The following SLC16A2 variants were observed in gnomAD, a reference collection of about 807,000 sequenced individuals.
SLC16A2 encodes solute carrier family 16 member 2.
In SLC16A2, 3 loss-of-function variants were observed where a neutral mutation model predicts 27.2. That is an observed-to-expected ratio of 0.11 (90% CI 0.05 to 0.28). The LOEUF (loss-of-function observed/expected upper bound fraction) is 0.28, where lower values mean the gene tolerates loss of function less well. SLC16A2 is among the 10% of genes least tolerant of loss of function. The pLI, the probability that SLC16A2 is intolerant of heterozygous loss-of-function variation, is 1.00. For synonymous variants in SLC16A2, 202 were observed against 187.8 expected (o/e 1.08, Z -0.62); for missense variants, 295 against 458.5 (o/e 0.64, Z 3.26).
chrX:74,427,839 A>ACC (rs1394014446), intron 1 of SLC16A2, among the ~76,000 whole-genome samples: 2 of 104,808 alleles, frequency 1.9e-5, no homozygotes, highest in African/African-American at 3.5e-5. Flanking sequence ...ACACACACAC[A>ACC]CACCCATACC....
At chrX:74,492,745 C>A (rs767481592) in intron 1 of SLC16A2, among the ~76,000 whole-genome samples, 2 of 111,495 alleles carry the variant, frequency 1.8e-5, no homozygotes, top group African/African-American at 3.3e-5. Flanking sequence ...CTCTCCACCC[C>A]CAACGTCCAG....
At chrX:74,454,321 C>G (rs1281889065) in intron 1 of SLC16A2, among the ~76,000 whole-genome samples, 1 of 110,422 alleles carries the variant, frequency 9.1e-6, no homozygotes, top group Non-Finnish European at 1.9e-5. Context: ...AGACTTGGAA[C>G]CAACCCAAAT....
At chrX:74,436,034 G>A (rs914009874) in intron 1 of SLC16A2, among the ~76,000 whole-genome samples, 4 of 111,552 alleles carry the variant, frequency 3.6e-5, no homozygotes, top group Admixed American at 2.9e-4. Flanking sequence ...GTGATGGAGA[G>A]TGGTGAGGTT....
chrX:74,432,779 G>A (rs1478978627), intron 1 of SLC16A2, among the ~76,000 whole-genome samples: 1 of 111,764 alleles, frequency 8.9e-6, no homozygotes, highest in Non-Finnish European at 1.9e-5. Context: ...TGTCGCATTA[G>A]GTGTTCCCCA....
At position 74,421,496 on chromosome X, in the gene SLC16A2, C is replaced by A; in HGVS notation, c.-142C>A. 1 of 802,202 alleles carries A rather than the reference C, an allele frequency of 1.2e-6. No homozygotes were observed. Among genetic ancestry groups the A allele is most frequent in the Non-Finnish European group, 1.9e-6 (1 of 540,408 alleles). 66.1% of individuals were successfully genotyped at this position (802,202 alleles called of 1,213,427 possible). ...ACCGTCTGTCGCGGGACGGGCTGGC[C>A]AGCTGGGGCGCGGAGCCTGGAGGAG... On this transcript the variant is annotated 5_prime_UTR_variant, in exon 1 of 6. Coordinates refer to ENST00000587091, the MANE Select transcript of SLC16A2 (RefSeq NM_006517.5).
At chrX:74,434,666 G>A (rs1168828991) in intron 1 of SLC16A2, among the ~76,000 whole-genome samples, 1 of 110,948 alleles carries the variant, frequency 9.0e-6, no homozygotes, top group Admixed American at 9.6e-5. Context: ...AGAGGTCCAA[G>A]GAAAAGAAGA....
At chrX:74,484,463 C>T (rs780655113) in intron 1 of SLC16A2, among the ~76,000 whole-genome samples, 52 of 111,696 alleles carry the variant, frequency 4.7e-4, no homozygotes, top group Non-Finnish European at 2.4e-4. Flanking sequence ...TTTTATTGTG[C>T]GGAGGAAGCT....
chrX:74,443,821 C>A (rs921996830), intron 1 of SLC16A2, among the ~76,000 whole-genome samples: 3 of 111,715 alleles, frequency 2.7e-5, no homozygotes, highest in Non-Finnish European at 3.8e-5. Flanking sequence ...TTGTCCACAG[C>A]CTTCCTGGGT....
rs372573580 is a variant in SLC16A2, at chrX:74,524,324, G to A, written c.576-35G>A. On this transcript the variant is annotated intron_variant, in intron 2 of 5. Transcript: ENST00000587091. The stretch of plus-strand genomic sequence containing the variant: ...GGAGGGCAGGTAGATTGCTGGTCAG[G>A]CTGCTGAGGACAGCTCTTGGTATTT... 1,552 of 1,195,342 alleles carry A rather than the reference G, an allele frequency of 1.3e-3. 1 individual carries two copies. Among genetic ancestry groups the A allele is most frequent in the Non-Finnish European group, 1.6e-3 (1,438 of 882,410 alleles).
chrX:74,497,848 G>C (rs1364039126), intron 1 of SLC16A2, among the ~76,000 whole-genome samples: 1 of 106,521 alleles, frequency 9.4e-6, no homozygotes, highest in African/African-American at 3.4e-5. Flanking sequence ...GTATGGGGGT[G>C]GGGGGGATGA....
intron 1 of SLC16A2, among the ~76,000 whole-genome samples, chrX:74,493,660 TAAC>T (rs1343964000): frequency 1.8e-5 from 2 of 112,327 alleles, no homozygotes; most frequent in African/African-American, 6.5e-5. Flanking sequence ...ATTGTTGAAA[TAAC>T]AAGAGTTTAG....
Position 74,442,800 on chromosome X carries a change from C to CA in SLC16A2, c.430+20740dup, listed in dbSNP as rs766527953. 4.8e-3 allele frequency among the ~76,000 whole-genome samples: 533 copies of CA among 111,231 alleles called. 2 individuals are homozygous for CA. Among genetic ancestry groups the CA allele is most frequent in the African/African-American group, 0.016 (501 of 30,637 alleles). On this transcript the variant is annotated intron_variant, in intron 1 of 5. Transcript: ENST00000587091. ...TGAAAGCCCATCTCTACTAAAAATA[C>CA]AAAAAAATTAGCCAGGCCTGGTGGC...
At chrX:74,520,557 A>G (rs1467821340) in intron 1 of SLC16A2, among the ~76,000 whole-genome samples, 1 of 111,925 alleles carries the variant, frequency 8.9e-6, no homozygotes, top group African/African-American at 3.2e-5. Context: ...TAGGTGGCCT[A>G]TGAACTTGCC....
At chrX:74,493,942 C>T (rs773096312) in intron 1 of SLC16A2, among the ~76,000 whole-genome samples, 1 of 111,747 alleles carries the variant, frequency 8.9e-6, no homozygotes, top group Non-Finnish European at 1.9e-5. Context: ...CAGCTGTGAG[C>T]TTCTTTCTTG....
In SLC16A2 at chrX:74,532,873, A is replaced by T. The variant is rs1320172873; in HGVS notation, c.*1320A>T. 4.5e-5 allele frequency: 5 copies of T among 112,141 alleles called. No homozygotes were observed. The highest frequency in any genetic ancestry group is 9.4e-5 in the Non-Finnish European group (5 of 53,135). The allele number at this position is 112,141 out of a possible 1,213,427, so 9.2% of individuals were successfully genotyped here. A position where few individuals can be genotyped will look rare whatever the true frequency, so the allele number is the denominator to read the frequency against. On this transcript the variant is annotated 3_prime_UTR_variant, in exon 6 of 6. Coordinates refer to ENST00000587091, the MANE Select transcript of SLC16A2 (RefSeq NM_006517.5). ...CTCTGAACCACTTTGATCCCTCTGA[A>T]GTAGGTGACTGATGCCTCCTTATGC... is the stretch of plus-strand genomic sequence containing the variant.
chrX:74,473,274 A>G (rs1929394886), intron 1 of SLC16A2: 2 of 624,880 alleles, frequency 3.2e-6, no homozygotes, highest in South Asian at 2.2e-5. Flanking sequence ...CACCACCACC[A>G]TGACTGCCAC....
chrX:74,450,925 T>A (rs751888710), intron 1 of SLC16A2, among the ~76,000 whole-genome samples: 64 of 111,589 alleles, frequency 5.7e-4, no homozygotes, highest in Admixed American at 1.1e-3. Flanking sequence ...TATGCAGCCA[T>A]AAAAATATAC....
rs1273201289 is a variant in SLC16A2, at chrX:74,439,187, T to TC, written c.430+17120_430+17121insC. On this transcript the variant is annotated intron_variant, in intron 1 of 5. Coordinates refer to ENST00000587091, the MANE Select transcript of SLC16A2 (RefSeq NM_006517.5). ...TTCTTTCTTTCTTTCTTTCTTTCTT[T>TC]TTCTTTCTTTCTTTCTTTCTTCCTT... Among the ~76,000 whole-genome samples, 4,692 of 53,145 alleles carry TC rather than the reference T, an allele frequency of 0.088. 945 individuals are homozygous for TC. The East Asian group carries it at 0.89, about 10-fold the overall frequency. The allele number at this position is 53,145 out of a possible 115,157, so 46.2% of individuals were successfully genotyped here.
At chrX:74,482,400 C>G (rs189794740) in intron 1 of SLC16A2, among the ~76,000 whole-genome samples, 1 of 111,425 alleles carries the variant, frequency 9.0e-6, no homozygotes, top group Non-Finnish European at 1.9e-5. Flanking sequence ...ATTTCTCGCT[C>G]TCTTCTCTTT....
Sources: allele counts gnomAD v4.1 joint callset (sites outside exome capture counted in the v4.1 genomes callset), GRCh38; gene constraint gnomAD v4.1.1; transcripts MANE v1.5; gene names NCBI Gene and HGNC (gene_info 2026-07-23, HGNC 2026-07-21).